The following VTI1B variants were observed in gnomAD, a reference collection of about 807,000 sequenced individuals.
VTI1B encodes the protein vesicle transport through interaction with t-SNAREs 1B, also known as vesicle transport through interaction with t-SNAREs homolog 1B.
Under a neutral mutation model 28.6 loss-of-function variants are expected in VTI1B, and 18 were observed. The observed-to-expected ratio is 0.63, with a 90% confidence interval of 0.43 to 0.93. VTI1B has a LOEUF of 0.93. Ranked by LOEUF, VTI1B falls within the 40% of genes least tolerant of loss-of-function variation. The probability of loss-of-function intolerance (pLI) is 0.00; values close to 1 mark genes in which losing one functional copy is unlikely to be tolerated. For missense variants in VTI1B, 283 were observed against 297.0 expected (o/e 0.95, Z 0.35); for synonymous variants, 100 against 107.9 (o/e 0.93, Z 0.46).
chr14:67,660,845 A>C (rs2037325164), intron 2 of VTI1B, among the ~76,000 whole-genome samples: 1 of 152,228 alleles, frequency 6.6e-6, no homozygotes. Context: ...GAAGATTTTA[A>C]AAATGCTACC....
intron 1 of VTI1B, among the ~76,000 whole-genome samples, chr14:67,669,841 T>C (rs2037444779): frequency 6.6e-6 from 1 of 152,200 alleles, no homozygotes; most frequent in African/African-American, 2.4e-5. Flanking sequence ...AGCTCACCCC[T>C]GTAACCCCAG....
intron 2 of VTI1B, 21 bp from the exon 3 acceptor site, chr14:67,659,943 G>A: frequency 6.2e-7 from 1 of 1,607,290 alleles, no homozygotes; most frequent in Non-Finnish European, 8.5e-7. Context: ...AGAAAGTAGT[G>A]AGCAGATAGC....
At chr14:67,662,706 C>A (rs189728934) in intron 1 of VTI1B, among the ~76,000 whole-genome samples, 171 bp from the exon 2 acceptor site, 154 of 152,182 alleles carry the variant, frequency 1.0e-3, no homozygotes, top group African/African-American at 3.5e-3. Context: ...GAGTTCAAGA[C>A]CACCCTGGCC....
chr14:67,661,254 ACT>A (rs981357075), intron 2 of VTI1B, among the ~76,000 whole-genome samples: 4 of 126,022 alleles, frequency 3.2e-5, no homozygotes, highest in Non-Finnish European at 6.4e-5. Flanking sequence ...GAGTCAAAGG[ACT>A]CTTGCTTCTA....
At chr14:67,653,060 A>T (rs1193915372) in intron 5 of VTI1B, among the ~76,000 whole-genome samples, 1 of 152,180 alleles carries the variant, frequency 6.6e-6, no homozygotes, top group African/African-American at 2.4e-5. Context: ...AGGTGCTGGG[A>T]TTACAGGCAT....
chr14:67,662,579 C>T (rs1342355999), intron 1 of VTI1B, 44 bp from the exon 2 acceptor site: 1 of 1,551,018 alleles, frequency 6.4e-7, no homozygotes, highest in African/African-American at 1.4e-5. Flanking sequence ...ACTGTTTCCA[C>T]ACATTTGTAA....
chr14:67,661,984 A>G (rs554193559), intron 2 of VTI1B, among the ~76,000 whole-genome samples: 8 of 151,762 alleles, frequency 5.3e-5, no homozygotes, highest in Non-Finnish European at 8.8e-5. Flanking sequence ...GTGAAACCCC[A>G]TCTCTACTGA....
intron 1 of VTI1B, among the ~76,000 whole-genome samples, chr14:67,671,186 T>C (rs971740587): frequency 2.0e-4 from 31 of 152,204 alleles, no homozygotes; most frequent in African/African-American, 7.0e-4. Context: ...ATGTATATAT[T>C]TTCTTTACTT....
At position 67,651,369 on chromosome 14, in the gene VTI1B, C is replaced by T. The variant is rs113373898; in HGVS notation, c.*16G>A. 16 of 1,613,464 alleles carry T rather than the reference C, an allele frequency of 9.9e-6. No homozygotes were observed. In the African/African-American group the frequency reaches 1.5e-4, roughly 15 times the overall value. On this transcript the variant is annotated 3_prime_UTR_variant, in exon 6 of 6. Transcript: ENST00000554659. Reference sequence around the variant, plus strand: ...AAGGTCAAAGTTCTGGTCCACAAACCCTTCCCTATAGAAGTTCAATGGCTG... The same window carrying T: ...AAGGTCAAAGTTCTGGTCCACAAACTCTTCCCTATAGAAGTTCAATGGCTG...
At chr14:67,662,047 T>C (rs1485448509) in intron 2 of VTI1B, among the ~76,000 whole-genome samples, 2 of 151,730 alleles carry the variant, frequency 1.3e-5, no homozygotes, top group Non-Finnish European at 2.9e-5. Flanking sequence ...TCCCAGCTAC[T>C]TGGGAGGCTG....
Position 67,651,349 on chromosome 14 carries a change from C to T in VTI1B, c.*36G>A. 1.2e-6 allele frequency: 2 copies of T among 1,612,620 alleles called. No individual in the cohort carries two copies. Among genetic ancestry groups the T allele is most frequent in the Admixed American group, 3.3e-5 (2 of 59,964 alleles). On this transcript the variant is annotated 3_prime_UTR_variant, in exon 6 of 6. Transcript: ENST00000554659. The stretch of plus-strand genomic sequence containing the variant: ...CCCTAACATCATGCATTCACAAGGT[C>T]AAAGTTCTGGTCCACAAACCCTTCC...
chr14:67,670,593 C>T (rs773658339), intron 1 of VTI1B, among the ~76,000 whole-genome samples: 1 of 151,654 alleles, frequency 6.6e-6, no homozygotes, highest in South Asian at 2.1e-4. Context: ...GATAGAGTCT[C>T]GCTCTGTCGC....
chr14:67,674,582 AC>A lies in VTI1B; in HGVS notation c.-94del. On this transcript the variant is annotated 5_prime_UTR_variant, in exon 1 of 6. Transcript: ENST00000554659. ...TCAGCCGCCCAGCCCAGTGGCCATAACGGCGACCGCCGCACCACCGCCGCCC... is the reference window on the plus strand; with the variant it reads ...TCAGCCGCCCAGCCCAGTGGCCATAAGGCGACCGCCGCACCACCGCCGCCC... The A allele has an allele frequency of 9.3e-7, 1 of 1,071,956 alleles. No homozygotes were observed. The highest frequency in any genetic ancestry group is 2.0e-5 in the South Asian group (1 of 48,982). 66.4% of individuals were successfully genotyped at this position (1,071,956 alleles called of 1,614,324 possible). A position where few individuals can be genotyped will look rare whatever the true frequency, so the allele number is the denominator to read the frequency against.
chr14:67,672,006 T>C (rs146284786), intron 1 of VTI1B, among the ~76,000 whole-genome samples: 33 of 152,304 alleles, frequency 2.2e-4, no homozygotes, highest in South Asian at 8.3e-4. Flanking sequence ...ATTCAAACCA[T>C]AGTAATAATG....
At position 67,648,901 on chromosome 14, in the gene VTI1B, A is replaced by C. The variant is rs2037135714; in HGVS notation, c.*2484T>G. ...ACCATCTGATGGAACTAGGGTATAG[A>C]TAGAGACCCCAGATTGAAAGGTTCA... On this transcript the variant is annotated 3_prime_UTR_variant, in exon 6 of 6. Coordinates refer to ENST00000554659, the MANE Select transcript of VTI1B (RefSeq NM_006370.3). 1 of 152,212 alleles carries C rather than the reference A, an allele frequency of 6.6e-6. No individual in the cohort carries two copies. The highest frequency in any genetic ancestry group is 1.5e-5 in the Non-Finnish European group (1 of 68,042). 9.4% of individuals were successfully genotyped at this position (152,212 alleles called of 1,614,324 possible). A position where few individuals can be genotyped will look rare whatever the true frequency, so the allele number is the denominator to read the frequency against.
At position 67,674,317 on chromosome 14, in the gene VTI1B, C is replaced by G. The variant is rs2037506495; in HGVS notation, c.115+58G>C. ...GGGTCTGGGAGGAAGGTGGGAGAATCTTCCTTCCAAAGCGCGCAGGGCTGC... is the reference window on the plus strand; with the variant it reads ...GGGTCTGGGAGGAAGGTGGGAGAATGTTCCTTCCAAAGCGCGCAGGGCTGC... On this transcript the variant is annotated intron_variant, in intron 1 of 5. Coordinates refer to ENST00000554659, the MANE Select transcript of VTI1B (RefSeq NM_006370.3). 4.8e-6 allele frequency: 7 copies of G among 1,446,926 alleles called. No homozygotes were observed. The South Asian group carries it at 9.0e-5, about 19-fold the overall frequency. 89.6% of individuals were successfully genotyped at this position (1,446,926 alleles called of 1,614,324 possible).
Position 67,674,548 on chromosome 14 carries a change from G to A in VTI1B, c.-59C>T. ...ATTCGGGGCCCTGGGCCCTTTCCTA[G>A]CCCGGCGGTCAGCCGCCCAGCCCAG... On this transcript the variant is annotated 5_prime_UTR_variant, in exon 1 of 6. Coordinates refer to ENST00000554659, the MANE Select transcript of VTI1B (RefSeq NM_006370.3). The A allele has an allele frequency of 1.4e-6, 2 of 1,458,642 alleles. No homozygotes were observed. Among genetic ancestry groups the A allele is most frequent in the South Asian group, 1.3e-5 (1 of 76,856 alleles). 90.4% of individuals were successfully genotyped at this position (1,458,642 alleles called of 1,614,324 possible). A position where few individuals can be genotyped will look rare whatever the true frequency, so the allele number is the denominator to read the frequency against.
rs1232570407 is a variant in VTI1B, at chr14:67,651,269, C to T, written c.*116G>A. 1.1e-5 allele frequency: 17 copies of T among 1,580,014 alleles called. No homozygotes were observed. The highest frequency in any genetic ancestry group is 1.5e-5 in the Non-Finnish European group (17 of 1,163,822). On this transcript the variant is annotated 3_prime_UTR_variant, in exon 6 of 6. Transcript: ENST00000554659. The stretch of plus-strand genomic sequence containing the variant: ...TCCCTCCTCCCACAGCCTGGCTATA[C>T]AGTGCATCCTTGAACTGTCAGCCCA...
At chr14:67,662,917 A>AAG in intron 1 of VTI1B, 1 of 1,284,982 alleles carries the variant, frequency 7.8e-7, no homozygotes, top group Non-Finnish European at 9.8e-7. Flanking sequence ...AAAAAAAAAA[A>AAG]AAAAGAATGT....
Sources: gnomAD v4.1 joint callset for allele counts (sites outside exome capture counted in the v4.1 genomes callset) on GRCh38, gnomAD v4.1.1 for gene constraint, MANE v1.5 for transcripts, NCBI Gene and HGNC (gene_info 2026-07-23, HGNC 2026-07-21) for gene names.